FAT3: variants seen among roughly 807,000 people sequenced by gnomAD.
FAT3 encodes the protein protocadherin Fat 3.
FAT3 carries 95 observed loss-of-function variants against 310.2 expected under a neutral mutation model. The observed-to-expected ratio is 0.31, with a 90% CI of 0.26 to 0.36. The LOEUF is 0.36. FAT3 is among the 10% of genes least tolerant of loss of function. The probability of loss-of-function intolerance (pLI) is 1.00; values close to 1 mark genes in which losing one functional copy is unlikely to be tolerated. For synonymous variants in FAT3, 2,314 were observed against 2,192.9 expected, an observed-to-expected ratio of 1.06 and a Z score of -1.54; for missense variants, 5,408 against 5,715.6, an observed-to-expected ratio of 0.95 and a Z score of 1.74.
intron 4 of FAT3, among the ~76,000 whole-genome samples, chr11:92,716,778 G>T (rs1792368): frequency 1.3e-5 from 2 of 152,048 alleles, no homozygotes; most frequent in Non-Finnish European, 2.9e-5. Context: ...GGAATCTAAA[G>T]AGAGATTCAT....
intron 19 of FAT3, among the ~76,000 whole-genome samples, chr11:92,850,508 C>T (rs1948798380): frequency 6.6e-6 from 1 of 152,160 alleles, no homozygotes; most frequent in African/African-American, 2.4e-5. Flanking sequence ...CCGAGAGAAC[C>T]ATAAGAAATG....
At chr11:92,290,590 CCA>C (rs535971724) in intron 1 of FAT3, among the ~76,000 whole-genome samples, 198 of 151,668 alleles carry the variant, frequency 1.3e-3, no homozygotes, top group African/African-American at 4.7e-3. Context: ...AACCCCATTT[CCA>C]CACACACACA....
At chr11:92,566,790 G>A (rs867521631) in intron 3 of FAT3, among the ~76,000 whole-genome samples, 14 of 152,130 alleles carry the variant, frequency 9.2e-5, no homozygotes, top group African/African-American at 3.4e-4. Context: ...AATGGGAAAG[G>A]ATTCCCTATT....
intron 2 of FAT3, among the ~76,000 whole-genome samples, chr11:92,488,770 T>G (rs1202167103): frequency 1.3e-5 from 2 of 152,060 alleles, no homozygotes; most frequent in Non-Finnish European, 2.9e-5. Context: ...TCAGCCTGGA[T>G]GAGGAGTCTT....
intron 4 of FAT3, among the ~76,000 whole-genome samples, chr11:92,744,721 A>G (rs1416372073): frequency 6.6e-6 from 1 of 152,144 alleles, no homozygotes; most frequent in African/African-American, 2.4e-5. Flanking sequence ...TTGAATTTTT[A>G]TATGAAATCT....
intron 3 of FAT3, among the ~76,000 whole-genome samples, chr11:92,536,670 C>T (rs923762789): frequency 2.0e-5 from 3 of 152,080 alleles, no homozygotes; most frequent in Admixed American, 6.5e-5. Flanking sequence ...TTAGACAGTT[C>T]GTCTTTTCAA....
rs142230275 is a variant in FAT3 at position 92,805,792 on chromosome 11, A to G, written c.9093+443A>G. 6.6e-4 allele frequency among the ~76,000 whole-genome samples: 101 copies of G among 152,304 alleles called. No homozygotes were observed. In the East Asian group the frequency reaches 0.018, roughly 27 times the overall value. On this transcript the variant is annotated intron_variant, in intron 11 of 27. Transcript: ENST00000525166. Reference sequence around the variant, plus strand: ...CTTATGAAGTGGCCTTTCTACTACTATATAAAATATAATGCCATTGCAAGG... The same window carrying G: ...CTTATGAAGTGGCCTTTCTACTACTGTATAAAATATAATGCCATTGCAAGG...
At chr11:92,412,988 T>C (rs1251211517) in intron 2 of FAT3, among the ~76,000 whole-genome samples, 3 of 151,692 alleles carry the variant, frequency 2.0e-5, no homozygotes, top group Non-Finnish European at 4.4e-5. Flanking sequence ...TCACCCTTGG[T>C]ATTGGACATT....
At chr11:92,294,762 T>G (rs1946804724) in intron 1 of FAT3, among the ~76,000 whole-genome samples, 1 of 152,110 alleles carries the variant, frequency 6.6e-6, no homozygotes, top group African/African-American at 2.4e-5. Context: ...CCATCCCTCT[T>G]TTTCTTTGGA....
chr11:92,399,594 A>G (rs1949963846), intron 2 of FAT3, among the ~76,000 whole-genome samples: 1 of 152,088 alleles, frequency 6.6e-6, no homozygotes, highest in African/African-American at 2.4e-5. Context: ...CACGCCCACA[A>G]CTTGGTTGGT....
intron 1 of FAT3, among the ~76,000 whole-genome samples, chr11:92,298,201 A>T (rs1224164312): frequency 6.6e-6 from 1 of 152,126 alleles, no homozygotes; most frequent in East Asian, 1.9e-4. Flanking sequence ...TTTCAAAGGG[A>T]TCTAATAAGG....
chr11:92,590,885 A>AT (rs1250676640), intron 3 of FAT3, among the ~76,000 whole-genome samples: 1 of 152,118 alleles, frequency 6.6e-6, no homozygotes, highest in Non-Finnish European at 1.5e-5. Context: ...ATGAGCTGAG[A>AT]TTTTAACACA....
rs369665011 is a variant in FAT3, at chr11:92,310,799, C to A, written c.-17-41297C>A. 1.2e-4 allele frequency among the ~76,000 whole-genome samples: 18 copies of A among 151,796 alleles called. No homozygotes were observed. The East Asian group carries it at 1.5e-3, about 13-fold the overall frequency. ...TTATTTGACATGCTAAGCATTTTTT[C>A]TGTATCATGACGAGTAGTTTCATGG... On this transcript the variant is annotated intron_variant, in intron 1 of 27. Coordinates refer to ENST00000525166, the MANE Select transcript of FAT3 (RefSeq NM_001367949.2).
intron 13 of FAT3, 96 bp downstream of exon 13, chr11:92,810,172 C>T: frequency 8.9e-7 from 1 of 1,126,572 alleles, no homozygotes; most frequent in Non-Finnish European, 1.3e-6. Flanking sequence ...AATCAACCCC[C>T]TTGGTTCTTT....
chr11:92,545,555 G>A (rs1461582113), intron 3 of FAT3, among the ~76,000 whole-genome samples: 7 of 152,006 alleles, frequency 4.6e-5, no homozygotes, highest in Non-Finnish European at 1.0e-4. Context: ...AACAAGTAAT[G>A]TGGTTCAAAT....
At chr11:92,267,061 T>C (rs1945981192) in intron 1 of FAT3, among the ~76,000 whole-genome samples, 1 of 152,146 alleles carries the variant, frequency 6.6e-6, no homozygotes, top group African/African-American at 2.4e-5. Context: ...GACACTGCCT[T>C]GCCTGTCACG....
intron 3 of FAT3, among the ~76,000 whole-genome samples, chr11:92,645,560 C>G (rs930167343): frequency 6.7e-6 from 1 of 149,562 alleles, no homozygotes; most frequent in African/African-American, 2.5e-5. Context: ...TGTTTATAAA[C>G]CTCTCTGGCT....
At chr11:92,480,244 G>A (rs916487818) in intron 2 of FAT3, among the ~76,000 whole-genome samples, 15 of 152,020 alleles carry the variant, frequency 9.9e-5, no homozygotes, top group African/African-American at 2.9e-4. Context: ...CAGCCTGGGC[G>A]ACAGAGTGAG....
At chr11:92,596,218 G>A (rs1284396169) in intron 3 of FAT3, among the ~76,000 whole-genome samples, 6 of 152,112 alleles carry the variant, frequency 3.9e-5, no homozygotes, top group East Asian at 1.9e-4. Flanking sequence ...TCACCATTGC[G>A]TTATCTGTAG....
Sources: allele counts gnomAD v4.1 joint callset (sites outside exome capture counted in the v4.1 genomes callset), GRCh38; gene constraint gnomAD v4.1.1; transcripts MANE v1.5; gene names NCBI Gene and HGNC (gene_info 2026-07-23, HGNC 2026-07-21).